EIF3E: variants seen among roughly 807,000 people sequenced by gnomAD.
EIF3E encodes the protein eIF-3 p48.
A neutral mutation model predicts 59.3 loss-of-function variants in EIF3E; 25 were observed. That is an observed-to-expected ratio of 0.42 (90% CI 0.31 to 0.59). The LOEUF is 0.59. EIF3E is among the 20% of genes least tolerant of loss of function. The pLI is 0.15. For missense variants in EIF3E, 317 were observed against 534.3 expected, an observed-to-expected ratio of 0.59 and a Z score of 4.01; for synonymous variants, 176 against 170.2, an observed-to-expected ratio of 1.03 and a Z score of -0.26.
chr8:108,225,385 TATA>T (rs1479299483), intron 7 of EIF3E, among the ~76,000 whole-genome samples: 1 of 151,442 alleles, frequency 6.6e-6, no homozygotes, highest in East Asian at 1.9e-4. Context: ...TCTGGTGTTG[TATA>T]ATGTCAACAC....
chr8:108,240,669 C>A (rs1421008687), intron 2 of EIF3E, among the ~76,000 whole-genome samples: 1 of 152,190 alleles, frequency 6.6e-6, no homozygotes, highest in Admixed American at 6.5e-5. Context: ...TCTGGTAACA[C>A]CTTAATGTTT....
At chr8:108,209,313 A>C (rs1445244198) in intron 10 of EIF3E, among the ~76,000 whole-genome samples, 7 of 152,092 alleles carry the variant, frequency 4.6e-5, no homozygotes, top group East Asian at 3.9e-4. Context: ...AGTGGAAAAA[A>C]GTCTATTTTG....
intron 1 of EIF3E, among the ~76,000 whole-genome samples, chr8:108,246,179 C>T (rs143391120): frequency 6.6e-6 from 1 of 151,070 alleles, no homozygotes; most frequent in Admixed American, 6.7e-5. Context: ...CCCAGAAGGG[C>T]GAACAATTTA....
At chr8:108,204,352 T>C (rs116524646) in intron 10 of EIF3E, among the ~76,000 whole-genome samples, 188 of 152,166 alleles carry the variant, frequency 1.2e-3, no homozygotes, top group African/African-American at 4.4e-3. Flanking sequence ...ATATAAACCA[T>C]GGAATACTAC....
At chr8:108,228,149 G>GAAAA in intron 7 of EIF3E, 118 bp downstream of exon 7, 1 of 961,044 alleles carries the variant, frequency 1.0e-6, no homozygotes, top group Non-Finnish European at 1.4e-6. Flanking sequence ...ACTACATGAA[G>GAAAA]AAAAAAAAAA....
In EIF3E at chr8:108,245,121, G is replaced by GCC. The variant is rs980159016; in HGVS notation, c.91-3210_91-3209dup. Among the ~76,000 whole-genome samples, 71 of 149,358 alleles carry GCC rather than the reference G, an allele frequency of 4.8e-4. 1 individual carries two copies. The East Asian group carries it at 9.2e-3, about 19-fold the overall frequency. ...TACCTTACTCCTCAAAACCCTCACT[G>GCC]CCCCCCCCTCCCATCCCATACCAAT... On this transcript the variant is annotated intron_variant, in intron 1 of 12. Coordinates refer to ENST00000220849, the MANE Select transcript of EIF3E (RefSeq NM_001568.3).
At chr8:108,211,046 T>G (rs1388417752) in intron 10 of EIF3E, among the ~76,000 whole-genome samples, 3 of 152,166 alleles carry the variant, frequency 2.0e-5, no homozygotes, top group Non-Finnish European at 1.5e-5. Context: ...GAATAGTGCC[T>G]CAATAAACAT....
At chr8:108,228,128 C>A in intron 7 of EIF3E, 139 bp downstream of exon 7, 1 of 928,280 alleles carries the variant, frequency 1.1e-6, no homozygotes, top group Non-Finnish European at 1.5e-6. Context: ...TTTTCAGTAA[C>A]AAGCAAATCT....
intron 6 of EIF3E, 31 bp from the exon 7 acceptor site, chr8:108,228,422 AT>A (rs1815558666): frequency 1.4e-6 from 2 of 1,395,906 alleles, no homozygotes; most frequent in Admixed American, 2.8e-5. Context: ...TACATAAAAA[AT>A]ATTAATATAT....
At chr8:108,247,923 A>C (rs1314415200) in intron 1 of EIF3E, among the ~76,000 whole-genome samples, 1 of 151,376 alleles carries the variant, frequency 6.6e-6, no homozygotes, top group Non-Finnish European at 1.5e-5. Flanking sequence ...TATTCATGAT[A>C]TCTTGAGTAG....
At chr8:108,205,634 T>C (rs1050693820) in intron 10 of EIF3E, among the ~76,000 whole-genome samples, 10 of 152,204 alleles carry the variant, frequency 6.6e-5, no homozygotes, top group African/African-American at 2.4e-4. Context: ...TGATGACATC[T>C]TGTATTGTCC....
Position 108,228,292 on chromosome 8 carries a change from T to G in EIF3E, c.697A>C (p.Ile233Leu), listed in dbSNP as rs2129894948. Residue 233 changes from isoleucine (I) to leucine (L), a missense_variant, in exon 7 of 13, where the codon ATT (isoleucine) becomes CTT (leucine). Physicochemically the swap from Ile to Leu is conservative, Grantham distance 5. Transcript: ENST00000220849. ...FNHPKGRDNI[I>L]DLFLYQPQYL... Reference sequence around the variant, plus strand: ...TGTGGCTGATAAAGGAAGAGGTCAATAATATTATCGCGACCTTTGGGGTGA... The same window carrying G: ...TGTGGCTGATAAAGGAAGAGGTCAAGAATATTATCGCGACCTTTGGGGTGA... The G allele has an allele frequency of 6.2e-7, 1 of 1,604,160 alleles. No homozygotes were observed. The highest frequency in any genetic ancestry group is 2.3e-5 in the East Asian group (1 of 44,394).
chr8:108,216,342 G>A, intron 9 of EIF3E, 70 bp downstream of exon 9: 2 of 1,151,586 alleles, frequency 1.7e-6, no homozygotes, highest in Non-Finnish European at 2.5e-6. Context: ...GGAAGACACT[G>A]CAAGATTAAC....
rs539341529 is a variant in EIF3E, at chr8:108,240,010, T to C, written c.271A>G (p.Ile91Val). 8.7e-6 allele frequency: 14 copies of C among 1,614,074 alleles called. No homozygotes were observed. Among genetic ancestry groups the C allele is most frequent in the South Asian group, 6.6e-5 (6 of 91,076 alleles). ...LKQLQAETEP[I>V]VKMFEDPETT... ...TCTGGATCTTCAAACATCTTCACAATTGGTTCTGTTTCTGCCTGAAGCTGT... is the reference window on the plus strand; with the variant it reads ...TCTGGATCTTCAAACATCTTCACAACTGGTTCTGTTTCTGCCTGAAGCTGT... Residue 91 changes from isoleucine to valine, a missense_variant, in exon 3 of 13, where the codon ATT (isoleucine) becomes GTT (valine). Physicochemically the swap from Ile to Val is conservative, Grantham distance 29. Transcript: ENST00000220849.
At chr8:108,217,482 AT>A in intron 7 of EIF3E, 22 bp from the exon 8 acceptor site, 2 of 1,565,490 alleles carry the variant, frequency 1.3e-6, no homozygotes, top group Non-Finnish European at 8.6e-7. Flanking sequence ...TATAAAAGTT[AT>A]TTAATAACTT....
chr8:108,242,774 G>A, intron 1 of EIF3E: 3 of 590,830 alleles, frequency 5.1e-6, no homozygotes, highest in East Asian at 1.2e-4. Context: ...ACAACCAAAT[G>A]GCCAACAGAC....
intron 10 of EIF3E, among the ~76,000 whole-genome samples, chr8:108,210,680 T>C (rs892658334): frequency 2.6e-5 from 4 of 152,310 alleles, no homozygotes; most frequent in South Asian, 2.1e-4. Flanking sequence ...ATGTGCCATG[T>C]TGGTGTGCTG....
chr8:108,248,638 A>AGCGGAAAGACTAGATGCCGAT lies in EIF3E; in HGVS notation c.44_64dup (p.Pro21_Leu22insHisArgHisLeuValPhePro), dbSNP rs759666245. On this transcript the variant is annotated inframe_insertion, in exon 1 of 13. Transcript: ENST00000220849. ...CTCCTTTACAGAGAGAAATTCAAGA[A>AGCGGAAAGACTAGATGCCGAT]GCGGAAAGACTAGATGCCGATCCAA... 6.2e-7 allele frequency: 1 copy of AGCGGAAAGACTAGATGCCGAT among 1,614,016 alleles called. No individual in the cohort carries two copies. Among genetic ancestry groups the AGCGGAAAGACTAGATGCCGAT allele is most frequent in the Non-Finnish European group, 8.5e-7 (1 of 1,180,024 alleles).
intron 7 of EIF3E, chr8:108,227,890 C>T (rs139020563): frequency 1.4e-3 from 215 of 157,470 alleles, no homozygotes; most frequent in African/African-American, 5.0e-3. Context: ...AAAAGATGCA[C>T]GTATTCCTTT....
Sources: allele counts gnomAD v4.1 joint callset (sites outside exome capture counted in the v4.1 genomes callset), GRCh38; gene constraint gnomAD v4.1.1; transcripts MANE v1.5; gene names NCBI Gene and HGNC (gene_info 2026-07-23, HGNC 2026-07-21).